Variants in ALMS1 observed in about 807,000 individuals in gnomAD.
ALMS1 encodes ALMS1 centrosome and basal body associated protein.
A neutral mutation model predicts 352.2 loss-of-function variants in ALMS1; 271 were observed. The ratio of observed to expected loss-of-function variants is 0.77; its 90% CI spans 0.70 to 0.85. ALMS1 has a LOEUF of 0.85. Ranked by LOEUF, ALMS1 falls within the 40% of genes least tolerant of loss-of-function variation. The probability of loss-of-function intolerance (pLI) is 0.00; values close to 1 mark genes in which losing one functional copy is unlikely to be tolerated. For missense variants in ALMS1, 5,445 were observed against 4,870.7 expected (o/e 1.12, Z -3.51); for synonymous variants, 1,865 against 1,761.2 (o/e 1.06, Z -1.48).
intron 6 of ALMS1, 42 bp from the exon 7 acceptor site, chr2:73,432,156 G>A: frequency 6.9e-7 from 1 of 1,458,582 alleles, no homozygotes; most frequent in Non-Finnish European, 9.6e-7. Context: ...GGGCATTAAT[G>A]AGTCTTTTTC....
intron 11 of ALMS1, among the ~76,000 whole-genome samples, chr2:73,527,399 C>T (rs1427914177): frequency 6.6e-6 from 1 of 151,998 alleles, no homozygotes; most frequent in Non-Finnish European, 1.5e-5. Flanking sequence ...CCATTGAGTC[C>T]TCAGCTTTTC....
At chr2:73,480,313 G>A (rs911295591) in intron 9 of ALMS1, among the ~76,000 whole-genome samples, 1 of 151,946 alleles carries the variant, frequency 6.6e-6, no homozygotes, top group South Asian at 2.1e-4. Context: ...ACCTATGAGT[G>A]AGAATATGCG....
rs1491515884 is a variant in ALMS1 at position 73,385,939 on chromosome 2, AGG to A, written c.72_73del (p.Glu25ArgfsTer101). On this transcript the variant is annotated frameshift_variant, in exon 1 of 23. Coordinates refer to ENST00000613296, the MANE Select transcript of ALMS1 (RefSeq NM_001378454.1). LOFTEE classifies it high-confidence loss of function. ...GAGGAGGAGGAGGAGGAGGAGGAGGAGGAAGAGGAGGAGGCTGCAGCGGCGGC... is the reference window on the plus strand; with the variant it reads ...GAGGAGGAGGAGGAGGAGGAGGAGGAAAGAGGAGGAGGCTGCAGCGGCGGC... The A allele has an allele frequency of 7.7e-6, 9 of 1,163,380 alleles. No individual in the cohort carries two copies. The Admixed American group carries it at 1.8e-4, about 23-fold the overall frequency. The allele number at this position is 1,163,380 out of a possible 1,614,324, so 72.1% of individuals were successfully genotyped here.
chr2:73,396,764 C>T (rs528241146), intron 1 of ALMS1, among the ~76,000 whole-genome samples: 2 of 151,696 alleles, frequency 1.3e-5, no homozygotes, highest in Non-Finnish European at 2.9e-5. Context: ...TCTGCCTCAG[C>T]CTCCCAAGTA....
Position 73,385,958 on chromosome 2 carries a change from AGCGGCG to A in ALMS1, c.100_105del (p.Ala34_Ala35del), listed in dbSNP as rs746896173. 7.1e-6 allele frequency: 10 copies of A among 1,399,044 alleles called. No homozygotes were observed. The highest frequency in any genetic ancestry group is 1.3e-5 in the South Asian group (1 of 79,350). The allele number at this position is 1,399,044 out of a possible 1,614,324, so 86.7% of individuals were successfully genotyped here. ...AGGAGGAGGAAGAGGAGGAGGCTGC[AGCGGCG>A]GCGGCGGCGAACGTGGACGACGTAG... On this transcript the variant is annotated inframe_deletion, in exon 1 of 23. Coordinates refer to ENST00000613296, the MANE Select transcript of ALMS1 (RefSeq NM_001378454.1).
chr2:73,418,296 C>T (rs1671216882), intron 2 of ALMS1, among the ~76,000 whole-genome samples: 1 of 152,134 alleles, frequency 6.6e-6, no homozygotes, highest in African/African-American at 2.4e-5. Flanking sequence ...ACAAGTGTAT[C>T]ACATTCATGG....
At chr2:73,581,745 A>AT (rs973638232) in intron 16 of ALMS1, among the ~76,000 whole-genome samples, 1 of 146,724 alleles carries the variant, frequency 6.8e-6, no homozygotes, top group Non-Finnish European at 1.5e-5. Context: ...GACATCAATT[A>AT]TTTTTTCTTT....
chr2:73,542,166 C>T (rs886696286), intron 12 of ALMS1, among the ~76,000 whole-genome samples: 6 of 152,186 alleles, frequency 3.9e-5, no homozygotes, highest in Non-Finnish European at 8.8e-5. Flanking sequence ...AAAGCTTACT[C>T]ACCATGATGA....
intron 10 of ALMS1, among the ~76,000 whole-genome samples, chr2:73,504,535 A>T (rs781510776): frequency 2.0e-5 from 3 of 152,186 alleles, no homozygotes; most frequent in Non-Finnish European, 4.4e-5. Flanking sequence ...GGAACATAAC[A>T]TGTAAACTTT....
intron 6 of ALMS1, among the ~76,000 whole-genome samples, chr2:73,427,847 C>T (rs143464865): frequency 1.3e-5 from 2 of 152,242 alleles, no homozygotes; most frequent in East Asian, 3.9e-4. Context: ...TCCTGTTATT[C>T]ATTAAATACA....
At chr2:73,504,358 G>T (rs1673278363) in intron 10 of ALMS1, among the ~76,000 whole-genome samples, 1 of 152,148 alleles carries the variant, frequency 6.6e-6, no homozygotes, top group African/African-American at 2.4e-5. Context: ...ATACAGAAGT[G>T]CTCTGTCACT....
chr2:73,606,286 T>C (rs1675815091), intron 21 of ALMS1, among the ~76,000 whole-genome samples: 2 of 152,238 alleles, frequency 1.3e-5, no homozygotes, highest in African/African-American at 4.8e-5. Context: ...AAAACCTACA[T>C]TGGGATCTTC....
At chr2:73,474,826 C>A (rs1014114354) in intron 9 of ALMS1, among the ~76,000 whole-genome samples, 18 of 152,032 alleles carry the variant, frequency 1.2e-4, no homozygotes, top group African/African-American at 4.3e-4. Context: ...TAAGGTTTGC[C>A]CATTTAAAGT....
chr2:73,578,149 A>C (rs1448948629), intron 16 of ALMS1, among the ~76,000 whole-genome samples: 1 of 152,120 alleles, frequency 6.6e-6, no homozygotes, highest in Non-Finnish European at 1.5e-5. Flanking sequence ...TGTCTCTTGT[A>C]ACAATTTTTA....
Position 73,490,527 on chromosome 2 carries a change from A to G in ALMS1, c.8568A>G (p.Val2856=). The change falls in exon 10 of 23, where the codon GTA becomes GTG. Residue 2856 remains valine (V), a synonymous_variant. Coordinates refer to ENST00000613296, the MANE Select transcript of ALMS1 (RefSeq NM_001378454.1). The part of the protein sequence containing the change: ...SMGRPSSTLG[V]NRSSSRLGVK... ...GCAGACCAAGTTCCACCCTAGGAGTAAACAGATCGAGTTCCAGACTAGGAG... is the reference window on the plus strand; with the variant it reads ...GCAGACCAAGTTCCACCCTAGGAGTGAACAGATCGAGTTCCAGACTAGGAG... The G allele has an allele frequency of 7.4e-6, 12 of 1,614,178 alleles. No homozygotes were observed. The highest frequency in any genetic ancestry group is 2.2e-5 in the East Asian group (1 of 44,884).
At chr2:73,413,114 C>G (rs1671112191) in intron 2 of ALMS1, among the ~76,000 whole-genome samples, 3 of 151,728 alleles carry the variant, frequency 2.0e-5, no homozygotes, top group South Asian at 2.1e-4. Flanking sequence ...TATTTGCCCT[C>G]CATGTTTCTT....
chr2:73,424,738 A>G lies in ALMS1; in HGVS notation c.1073A>G (p.Glu358Gly), dbSNP rs1047764250. Residue 358 changes from glutamate to glycine, a missense_variant, in exon 5 of 23, where the codon GAA (glutamate) becomes GGA (glycine). Physicochemically the swap from Glu to Gly is moderately conservative, Grantham distance 98. Coordinates refer to ENST00000613296, the MANE Select transcript of ALMS1 (RefSeq NM_001378454.1). ...WKTRKDTQWP[E>G]NNLADKDQVS... ...ACACGAAAAGATACACAGTGGCCTG[A>G]AAACAATTTAGCTGATAAAGATCAA... 1 of 1,614,124 alleles carries G rather than the reference A, an allele frequency of 6.2e-7. No individual in the cohort carries two copies. Among genetic ancestry groups the G allele is most frequent in the African/African-American group, 1.3e-5 (1 of 75,048 alleles).
chr2:73,508,547 A>G (rs7606483), intron 10 of ALMS1, among the ~76,000 whole-genome samples: 78,050 of 151,942 alleles, frequency 0.51, 23,855 homozygotes, highest in African/African-American at 0.87. Context: ...ATTGCACTGT[A>G]GTCTGAGGGA....
At chr2:73,465,496 A>G (rs1159414671) in intron 9 of ALMS1, among the ~76,000 whole-genome samples, 3 of 152,358 alleles carry the variant, frequency 2.0e-5, no homozygotes, top group African/African-American at 4.8e-5. Context: ...TTCAAGATGG[A>G]TTAAAGACTT....
Sources: gnomAD v4.1 joint callset for allele counts (sites outside exome capture counted in the v4.1 genomes callset) on GRCh38, gnomAD v4.1.1 for gene constraint, MANE v1.5 for transcripts, NCBI Gene and HGNC (gene_info 2026-07-23, HGNC 2026-07-21) for gene names.